Variants in CAMSAP1 observed in about 807,000 individuals in gnomAD.
CAMSAP1 encodes calmodulin regulated spectrin associated protein 1, also known as calmodulin-regulated spectrin-associated protein 1.
Under a neutral mutation model 143.5 loss-of-function variants are expected in CAMSAP1, and 58 were observed. The ratio of observed to expected loss-of-function variants is 0.40; its 90% CI spans 0.33 to 0.50. The LOEUF (loss-of-function observed/expected upper bound fraction) is 0.50. Ranked by LOEUF, CAMSAP1 falls within the 20% of genes least tolerant of loss-of-function variation. The pLI is 0.45. For synonymous variants in CAMSAP1, 945 were observed against 859.3 expected (o/e 1.10, Z -1.74); for missense variants, 1,969 against 2,115.7 (o/e 0.93, Z 1.36).
At position 135,865,313 on chromosome 9, in the gene CAMSAP1, C is replaced by A. The variant is rs200824461; in HGVS notation, c.666+1143G>T. ...GGATGGCTCTGTAGATGGCAGCTGGCGGCTTGGGGTTCACTTACAGGCACT... is the reference window on the plus strand; with the variant it reads ...GGATGGCTCTGTAGATGGCAGCTGGAGGCTTGGGGTTCACTTACAGGCACT... On this transcript the variant is annotated intron_variant, in intron 4 of 16. Coordinates refer to ENST00000389532, the MANE Select transcript of CAMSAP1 (RefSeq NM_015447.4). 6.5e-6 allele frequency: 10 copies of A among 1,550,110 alleles called. No individual in the cohort carries two copies. In the African/African-American group the frequency reaches 8.2e-5, roughly 13 times the overall value.
At chr9:135,906,330 A>AATT (rs1319550227) in intron 1 of CAMSAP1, among the ~76,000 whole-genome samples, 1 of 152,262 alleles carries the variant, frequency 6.6e-6, no homozygotes, top group Non-Finnish European at 1.5e-5. Flanking sequence ...AAGCACCTGA[A>AATT]ATTAATAAAG....
intron 3 of CAMSAP1, among the ~76,000 whole-genome samples, chr9:135,871,521 T>TAAAA (rs1202848431): frequency 2.6e-5 from 4 of 152,350 alleles, no homozygotes; most frequent in South Asian, 4.1e-4. Flanking sequence ...CATTTTTCAC[T>TAAAA]AAAACATTGT....
chr9:135,811,801 T>C lies in CAMSAP1; in HGVS notation c.4507-190A>G, dbSNP rs1022735853. On this transcript the variant is annotated intron_variant, in intron 16 of 16. Coordinates refer to ENST00000389532, the MANE Select transcript of CAMSAP1 (RefSeq NM_015447.4). This position sits in a 1 kb window ranked among gnomAD's most constrained non-coding sequence, Gnocchi z 4.9. Reference sequence around the variant, plus strand: ...GGAGCATTATATGCCATTGAGACTTTACTTAAGAAGTCTAAGCAAGCAAGG... The same window carrying C: ...GGAGCATTATATGCCATTGAGACTTCACTTAAGAAGTCTAAGCAAGCAAGG... Among the ~76,000 whole-genome samples the C allele has an allele frequency of 6.6e-6, 1 of 152,244 alleles. No homozygotes were observed. The highest frequency in any genetic ancestry group is 1.5e-5 in the Non-Finnish European group (1 of 68,048).
chr9:135,892,420 T>C (rs1838316133), intron 1 of CAMSAP1, among the ~76,000 whole-genome samples: 1 of 152,002 alleles, frequency 6.6e-6, no homozygotes, highest in South Asian at 2.1e-4. Flanking sequence ...AAGAACAAAA[T>C]AGGCTGGGTG....
rs1029535798 is a variant in CAMSAP1, at chr9:135,809,727, A to T, written c.*1582T>A. The T allele has an allele frequency of 1.3e-5, 2 of 152,668 alleles. No individual in the cohort carries two copies. Among genetic ancestry groups the T allele is most frequent in the Non-Finnish European group, 2.9e-5 (2 of 68,054 alleles). 9.5% of individuals were successfully genotyped at this position (152,668 alleles called of 1,614,324 possible). A position where few individuals can be genotyped will look rare whatever the true frequency, so the allele number is the denominator to read the frequency against. ...CTCACTCAGGACTGTGTAACTCAGC[A>T]CTTGAGAAATCATACAGCCTTTAGT... is the stretch of plus-strand genomic sequence containing the variant. On this transcript the variant is annotated 3_prime_UTR_variant, in exon 17 of 17. Transcript: ENST00000389532.
intron 3 of CAMSAP1, among the ~76,000 whole-genome samples, chr9:135,871,784 G>A (rs1564450948): frequency 6.6e-6 from 1 of 151,604 alleles, no homozygotes; most frequent in Non-Finnish European, 1.5e-5. Context: ...AAAAAGGTAA[G>A]TTATCTGAGG....
intron 4 of CAMSAP1, chr9:135,865,442 A>G (rs946219862): frequency 1.5e-5 from 21 of 1,413,260 alleles, no homozygotes; most frequent in Admixed American, 2.0e-5. Context: ...GGTAACACAC[A>G]CTTCCCCACG....
intron 5 of CAMSAP1, among the ~76,000 whole-genome samples, chr9:135,855,192 T>C (rs1163259725): frequency 6.6e-6 from 1 of 151,848 alleles, no homozygotes; most frequent in African/African-American, 2.4e-5. Context: ...GGGTTTCACC[T>C]TGTTGGCCAG....
At chr9:135,863,021 T>C (rs549298202) in intron 4 of CAMSAP1, among the ~76,000 whole-genome samples, 7 of 152,314 alleles carry the variant, frequency 4.6e-5, no homozygotes, top group Non-Finnish European at 1.0e-4. Flanking sequence ...AAGACCCAAG[T>C]TACTGTTACT....
rs377747568 is a variant in CAMSAP1, at chr9:135,811,372, G to T, written c.4746C>A (p.Ile1582=). The stretch of plus-strand genomic sequence containing the variant: ...GCTTGGGCTGCCACAGGTGGTTGTG[G>T]ATTGTGAGTGCGTCCACACTGACAG... ...TMSVSVDALT[I]HNHLWQPKRP... The change falls in exon 17 of 17, where the codon ATC becomes ATA. Residue 1582 remains isoleucine, a synonymous_variant. Transcript: ENST00000389532. The surrounding 1 kb of genome is among the most constrained non-coding windows in gnomAD (Gnocchi z 4.9). 1 of 1,613,048 alleles carries T rather than the reference G, an allele frequency of 6.2e-7. No individual in the cohort carries two copies.
intron 14 of CAMSAP1, among the ~76,000 whole-genome samples, chr9:135,817,368 C>T (rs1001525532): frequency 2.0e-5 from 3 of 152,134 alleles, no homozygotes; most frequent in African/African-American, 7.2e-5. Context: ...ACATCTCCAA[C>T]GGAGTGGTTT....
intron 7 of CAMSAP1, among the ~76,000 whole-genome samples, chr9:135,828,209 CTG>C (rs1182990359): frequency 6.6e-6 from 1 of 152,260 alleles, no homozygotes; most frequent in Non-Finnish European, 1.5e-5. Flanking sequence ...AACAGTGACT[CTG>C]TATCTAAGGC....
chr9:135,845,177 T>C (rs536973345), intron 7 of CAMSAP1, among the ~76,000 whole-genome samples: 65 of 152,206 alleles, frequency 4.3e-4, no homozygotes, highest in Non-Finnish European at 7.8e-4. Context: ...CACGATCAAG[T>C]TGGCTTCATA....
chr9:135,868,169 TAA>T (rs372013273), intron 3 of CAMSAP1, among the ~76,000 whole-genome samples: 1 of 146,850 alleles, frequency 6.8e-6, no homozygotes, highest in Non-Finnish European at 1.5e-5. Context: ...GAACTGCTTG[TAA>T]AAAAAAAAAA....
At position 135,882,649 on chromosome 9, in the gene CAMSAP1, T is replaced by C. The variant is rs937741712; in HGVS notation, c.423+167A>G. On this transcript the variant is annotated intron_variant, in intron 2 of 16. Coordinates refer to ENST00000389532, the MANE Select transcript of CAMSAP1 (RefSeq NM_015447.4). The surrounding 1 kb of genome is among the most constrained non-coding windows in gnomAD (Gnocchi z 4.9). ...TTCCCCATTCTCCACAACAGTCATG[T>C]GCTTTAAAAGATATGCAGTTTCCTA... Among the ~76,000 whole-genome samples, 4 of 152,202 alleles carry C rather than the reference T, an allele frequency of 2.6e-5. No homozygotes were observed. The highest frequency in any genetic ancestry group is 4.4e-5 in the Non-Finnish European group (3 of 68,038).
rs985084023 is a variant in CAMSAP1, at chr9:135,822,482, C to T, written c.2179G>A (p.Asp727Asn). 7 of 1,613,814 alleles carry T rather than the reference C, an allele frequency of 4.3e-6. No individual in the cohort carries two copies. Among genetic ancestry groups the T allele is most frequent in the Admixed American group, 1.7e-5 (1 of 60,012 alleles). ...CTGAGGAGAGTCCACGGCTCTGAAT[C>T]GTGGGAGTTGGGGCTTTTTGAACAA... ...VSCSKSPNSH[D>N]SEPWTLLRQD... The change falls in exon 11 of 17, where the codon GAT becomes AAT. Residue 727 changes from aspartate to asparagine, a missense_variant. By Grantham distance (23) the Asp-to-Asn change is conservative (BLOSUM62 1). Coordinates refer to ENST00000389532, the MANE Select transcript of CAMSAP1 (RefSeq NM_015447.4). The surrounding 1 kb of genome is among the most constrained non-coding windows in gnomAD (Gnocchi z 6.1).
intron 14 of CAMSAP1, among the ~76,000 whole-genome samples, chr9:135,816,510 C>T (rs1835234653): frequency 1.3e-5 from 2 of 152,242 alleles, no homozygotes; most frequent in South Asian, 4.1e-4. Context: ...CTGAGCACAA[C>T]AGATGCCGAA....
intron 1 of CAMSAP1, among the ~76,000 whole-genome samples, chr9:135,892,628 G>A (rs543624454): frequency 1.3e-5 from 2 of 152,010 alleles, no homozygotes; most frequent in Admixed American, 1.3e-4. Flanking sequence ...CAAGGCGGGT[G>A]GATCACGAGG....
chr9:135,880,549 TGTCTTAGAAAAAGTCGAAA>T (rs1837909234), intron 3 of CAMSAP1, among the ~76,000 whole-genome samples: 1 of 151,194 alleles, frequency 6.6e-6, no homozygotes, highest in African/African-American at 2.5e-5. Context: ...GCAGGGCAAC[TGTCTTAGAAAAAGTCGAAA>T]CACAAACGTC....
Sources: allele counts gnomAD v4.1 joint callset (sites outside exome capture counted in the v4.1 genomes callset), GRCh38; gene constraint gnomAD v4.1.1; non-coding constraint Gnocchi (gnomAD v3.1); transcripts MANE v1.5; gene names NCBI Gene and HGNC (gene_info 2026-07-23, HGNC 2026-07-21).